TLN2: variants seen among roughly 807,000 people sequenced by gnomAD.
TLN2 encodes the protein talin 2.
A neutral mutation model predicts 294.7 loss-of-function variants in TLN2; 118 were observed. The observed-to-expected ratio is 0.40, with a 90% CI of 0.34 to 0.47. The LOEUF is 0.47. Among genes scored for constraint, TLN2 ranks in the 20% least tolerant of loss-of-function variants. TLN2 has a pLI of 0.84. For missense variants in TLN2, 3,083 were observed against 3,282.2 expected (o/e 0.94, Z 1.48); for synonymous variants, 1,431 against 1,304.5 (o/e 1.10, Z -2.09).
chr15:62,756,070 T>C (rs190082747), intron 37 of TLN2, among the ~76,000 whole-genome samples: 4 of 152,292 alleles, frequency 2.6e-5, no homozygotes, highest in Admixed American at 2.6e-4. Context: ...TTGGGTGGGC[T>C]AGTAGAGGGC....
At chr15:62,824,748 A>G (rs535482440) in intron 54 of TLN2, among the ~76,000 whole-genome samples, 25 of 152,322 alleles carry the variant, frequency 1.6e-4, no homozygotes, top group Admixed American at 4.6e-4. Context: ...ATGATATAGA[A>G]AACATTTTTT....
At chr15:62,481,848 G>A (rs2038117455) in intron 1 of TLN2, among the ~76,000 whole-genome samples, 1 of 142,202 alleles carries the variant, frequency 7.0e-6, no homozygotes, top group Non-Finnish European at 1.5e-5. Context: ...CCAGGCTGGA[G>A]TGCAATGGCG....
At chr15:62,436,608 C>T (rs1047784497) in intron 1 of TLN2, among the ~76,000 whole-genome samples, 2 of 152,210 alleles carry the variant, frequency 1.3e-5, no homozygotes, top group African/African-American at 2.4e-5. Flanking sequence ...GCCAGTGTGG[C>T]TGGAGCAGGC....
intron 9 of TLN2, among the ~76,000 whole-genome samples, chr15:62,669,519 G>A (rs4775525): frequency 0.82 from 125,229 of 152,200 alleles, 54,424 homozygotes; most frequent in East Asian, 0.96. Flanking sequence ...GGAGAAGTGA[G>A]TTCTCAATGC....
Position 62,742,072 on chromosome 15 carries a change from T to TGTGTGTGTGTGA in TLN2, c.4025+1306_4025+1307insTGTGTGTGAGTG, listed in dbSNP as rs1272145437. ...GTGTGTGTGTGTGTGTGTGTGTGTG[T>TGTGTGTGTGTGA]GTGAAGGGTTAGACACTGTCAGAGC... On this transcript the variant is annotated intron_variant, in intron 32 of 58. Transcript: ENST00000636159. Among the ~76,000 whole-genome samples, 751 of 142,446 alleles carry TGTGTGTGTGTGA rather than the reference T, an allele frequency of 5.3e-3. 25 individuals carry two copies. Among genetic ancestry groups the TGTGTGTGTGTGA allele is most frequent in the Non-Finnish European group, 6.9e-3 (455 of 65,518 alleles). The allele number at this position is 142,446 out of a possible 152,430, so 93.5% of individuals were successfully genotyped here.
At chr15:62,619,895 T>C (rs1403689502) in intron 3 of TLN2, among the ~76,000 whole-genome samples, 2 of 152,236 alleles carry the variant, frequency 1.3e-5, no homozygotes, top group Non-Finnish European at 2.9e-5. Context: ...GGTACTAATG[T>C]AACAACCAGC....
intron 3 of TLN2, among the ~76,000 whole-genome samples, chr15:62,632,007 C>T (rs1041134064): frequency 6.6e-6 from 1 of 152,062 alleles, no homozygotes. Context: ...GTAGGTACAG[C>T]CATTGGACCA....
At chr15:62,670,674 C>A (rs1210555122) in intron 9 of TLN2, among the ~76,000 whole-genome samples, 4 of 152,078 alleles carry the variant, frequency 2.6e-5, no homozygotes, top group Non-Finnish European at 4.4e-5. Flanking sequence ...AATGATGTTC[C>A]ATTGTATGGA....
intron 55 of TLN2, chr15:62,835,513 C>G: frequency 6.8e-6 from 4 of 589,218 alleles, no homozygotes; most frequent in Non-Finnish European, 1.2e-5. Flanking sequence ...TTAGCATTTC[C>G]TGTCGCCTCT....
chr15:62,563,655 AT>A (rs1400976390), intron 1 of TLN2, among the ~76,000 whole-genome samples: 3 of 152,136 alleles, frequency 2.0e-5, no homozygotes, highest in African/African-American at 4.8e-5. Flanking sequence ...TGGTCATGAA[AT>A]CCTTGCCTAA....
intron 9 of TLN2, among the ~76,000 whole-genome samples, chr15:62,662,701 C>T (rs530645170): frequency 5.1e-4 from 77 of 150,682 alleles, no homozygotes; most frequent in African/African-American, 1.6e-3. Context: ...AATTCTAGTG[C>T]GGAAAGAAAG....
intron 48 of TLN2, among the ~76,000 whole-genome samples, 192 bp downstream of exon 48, chr15:62,797,594 T>C (rs1431771280): frequency 6.6e-6 from 1 of 152,000 alleles, no homozygotes; most frequent in Non-Finnish European, 1.5e-5. Context: ...GTGGTGGCCA[T>C]GGGGATGGAG....
chr15:62,397,516 G>C (rs1176925583), intron 1 of TLN2, among the ~76,000 whole-genome samples: 1 of 152,048 alleles, frequency 6.6e-6, no homozygotes, highest in Non-Finnish European at 1.5e-5. Context: ...CTCCCACCTT[G>C]ACCTCCCAAA....
Position 62,465,214 on chromosome 15 carries a change from C to T in TLN2, c.-238+74529C>T, listed in dbSNP as rs543650064. Among the ~76,000 whole-genome samples the T allele has an allele frequency of 5.4e-5, 8 of 148,136 alleles. No individual in the cohort carries two copies. The East Asian group carries it at 1.6e-3, about 30-fold the overall frequency. On this transcript the variant is annotated intron_variant, in intron 1 of 58. Transcript: ENST00000636159. ...GCAGTATGTGCTGTTTCCTTTTAGC[C>T]TTGGAAGATTCCTCTGGTTCTCTCT...
intron 7 of TLN2, among the ~76,000 whole-genome samples, chr15:62,653,635 G>A (rs1314702860): frequency 6.6e-6 from 1 of 152,032 alleles, no homozygotes; most frequent in Non-Finnish European, 1.5e-5. Context: ...GCTCAGGCAG[G>A]AGAATCACTT....
intron 2 of TLN2, among the ~76,000 whole-genome samples, chr15:62,614,536 C>G (rs1487491721): frequency 6.6e-6 from 1 of 152,164 alleles, no homozygotes; most frequent in South Asian, 2.1e-4. Context: ...TTCCTTCTTT[C>G]TATCCCGCCA....
At chr15:62,757,506 ATTCTGTC>A (rs1260003053) in intron 37 of TLN2, among the ~76,000 whole-genome samples, 2 of 152,238 alleles carry the variant, frequency 1.3e-5, no homozygotes, top group Non-Finnish European at 2.9e-5. Context: ...GACACTCTTT[ATTCTGTC>A]GAAATTTCTG....
chr15:62,574,141 T>A (rs968833362), intron 1 of TLN2, among the ~76,000 whole-genome samples: 2 of 152,020 alleles, frequency 1.3e-5, no homozygotes, highest in African/African-American at 4.8e-5. Flanking sequence ...TCTTCCCATC[T>A]CAATTATGAA....
At chr15:62,823,407 C>T (rs1225591381) in intron 54 of TLN2, among the ~76,000 whole-genome samples, 2 of 152,182 alleles carry the variant, frequency 1.3e-5, no homozygotes, top group Non-Finnish European at 2.9e-5. Context: ...AGTTGAATCA[C>T]TTCTCTCCAT....
Sources: gnomAD v4.1 joint callset for allele counts (sites outside exome capture counted in the v4.1 genomes callset) on GRCh38, gnomAD v4.1.1 for gene constraint, MANE v1.5 for transcripts, NCBI Gene and HGNC (gene_info 2026-07-23, HGNC 2026-07-21) for gene names.